Variants in LYRM4 observed in about 807,000 individuals in gnomAD.
LYRM4 encodes LYR motif containing 4.
Under a neutral mutation model 11.7 loss-of-function variants are expected in LYRM4, and 9 were observed. The observed-to-expected ratio is 0.77, with a 90% CI of 0.46 to 1.34. The LOEUF is 1.34. Among genes scored for constraint, LYRM4 ranks in the 40% most tolerant of loss-of-function variants. The pLI is 0.00. For synonymous variants in LYRM4, 42 were observed against 40.4 expected, an observed-to-expected ratio of 1.04 and a Z score of -0.15; for missense variants, 133 against 112.5, an observed-to-expected ratio of 1.18 and a Z score of -0.82.
chr6:5,226,766 G>A (rs1561884953), intron 1 of LYRM4, among the ~76,000 whole-genome samples: 1 of 152,174 alleles, frequency 6.6e-6, no homozygotes, highest in African/African-American at 2.4e-5. Context: ...AAATTAGAAG[G>A]AAATATGACA....
chr6:5,259,514 GTT>G (rs1339908843), intron 1 of LYRM4, among the ~76,000 whole-genome samples: 1 of 152,184 alleles, frequency 6.6e-6, no homozygotes, highest in Non-Finnish European at 1.5e-5. Flanking sequence ...TTCCAGGCGG[GTT>G]TCTAAAAATT....
At chr6:5,177,342 TGGA>T (rs1324774409) in intron 2 of LYRM4, among the ~76,000 whole-genome samples, 1 of 152,246 alleles carries the variant, frequency 6.6e-6, no homozygotes, top group Non-Finnish European at 1.5e-5. Context: ...AGCATGTCCT[TGGA>T]GGAGTACTGC....
At chr6:5,136,174 G>T (rs1757088607) in intron 2 of LYRM4, 2 of 590,362 alleles carry the variant, frequency 3.4e-6, no homozygotes, top group Non-Finnish European at 2.1e-6. Flanking sequence ...GGTTGCTGTT[G>T]TGAATAATAC....
At chr6:5,040,060 T>A in the LYRM4 span, among the ~76,000 whole-genome samples, 2 of 152,042 alleles carry the variant, frequency 1.3e-5, no homozygotes, top group Non-Finnish European at 2.9e-5. Flanking sequence ...AAAAAGAAAA[T>A]CTTAAAACAT....
intron 2 of LYRM4, among the ~76,000 whole-genome samples, chr6:5,195,158 G>C (rs1192590379): frequency 1.3e-5 from 2 of 152,250 alleles, no homozygotes; most frequent in Admixed American, 1.3e-4. Context: ...CAGCTCACAG[G>C]ACGGCCCTGC....
intron 2 of LYRM4, among the ~76,000 whole-genome samples, chr6:5,158,532 A>AGTG (rs1219199344): frequency 6.8e-6 from 1 of 146,908 alleles, no homozygotes; most frequent in Non-Finnish European, 1.5e-5. Flanking sequence ...GCTGGAGTGC[A>AGTG]GTGGTGCAAT....
At chr6:5,038,185 T>C in the LYRM4 span, among the ~76,000 whole-genome samples, 3 of 48,964 alleles carry the variant, frequency 6.1e-5, 1 homozygote, top group East Asian at 6.0e-3. Flanking sequence ...GGGGCAGAGG[T>C]GCTCCCCACA....
chr6:5,041,355 A>G, the LYRM4 span, among the ~76,000 whole-genome samples: 1 of 152,202 alleles, frequency 6.6e-6, no homozygotes, highest in Non-Finnish European at 1.5e-5. Flanking sequence ...GCTGTCATAA[A>G]TTACATATTC....
chr6:5,096,677 TGTGA>T, the LYRM4 span, among the ~76,000 whole-genome samples: 1 of 152,046 alleles, frequency 6.6e-6, no homozygotes, highest in African/African-American at 2.4e-5. Flanking sequence ...CTTAAAATAG[TGTGA>T]GTGAGTTTTC....
intron 2 of LYRM4, among the ~76,000 whole-genome samples, chr6:5,133,421 C>A (rs1764046357): frequency 6.6e-6 from 1 of 152,194 alleles, no homozygotes; most frequent in African/African-American, 2.4e-5. Context: ...CACGCCACCA[C>A]CACCTGTGAG....
At chr6:5,101,165 G>A (rs185607763), downstream of LYRM4, among the ~76,000 whole-genome samples, 63 of 152,260 alleles carry the variant, frequency 4.1e-4, no homozygotes, top group East Asian at 8.7e-3. Flanking sequence ...TATGGCTCAG[G>A]TAGAAGTAGT....
At chr6:5,138,981 TA>T (rs1401748696) in intron 2 of LYRM4, among the ~76,000 whole-genome samples, 15 of 152,346 alleles carry the variant, frequency 9.8e-5, no homozygotes, top group African/African-American at 3.6e-4. Flanking sequence ...CACATAAGCC[TA>T]AGAGAATTTG....
Position 5,186,726 on chromosome 6 carries a change from G to A in LYRM4, c.207+29892C>T, listed in dbSNP as rs148012142. On this transcript the variant is annotated intron_variant, in intron 2 of 2. Coordinates refer to ENST00000330636, the MANE Select transcript of LYRM4 (RefSeq NM_020408.6). Reference sequence around the variant, plus strand: ...CTGCCGGGCACAGTGGTTCACACCTGTAATCCCAGCACTTTGGGAGGCTGA... The same window carrying A: ...CTGCCGGGCACAGTGGTTCACACCTATAATCCCAGCACTTTGGGAGGCTGA... 1,888 of 1,003,662 alleles carry A rather than the reference G, an allele frequency of 1.9e-3. 30 individuals carry two copies. The African/African-American group carries it at 0.029, about 16-fold the overall frequency. 62.2% of individuals were successfully genotyped at this position (1,003,662 alleles called of 1,614,324 possible).
At chr6:5,243,936 T>C (rs1004159118) in intron 1 of LYRM4, among the ~76,000 whole-genome samples, 1 of 152,256 alleles carries the variant, frequency 6.6e-6, no homozygotes, top group Non-Finnish European at 1.5e-5. Context: ...GATGTCTCAA[T>C]ATCTGGGGTA....
At chr6:5,163,858 C>T (rs761950403) in intron 2 of LYRM4, among the ~76,000 whole-genome samples, 4 of 152,096 alleles carry the variant, frequency 2.6e-5, no homozygotes, top group African/African-American at 7.2e-5. Flanking sequence ...TGGTGATCCT[C>T]GGCCTCCCAA....
chr6:5,062,222 C>T, the LYRM4 span, among the ~76,000 whole-genome samples: 1 of 148,160 alleles, frequency 6.7e-6, no homozygotes, highest in Non-Finnish European at 1.5e-5. Context: ...GTAGCTAGGA[C>T]TACATGTGCA....
In LYRM4 at chr6:5,211,860, T is replaced by C. The variant is rs571153352; in HGVS notation, c.207+4758A>G. Among the ~76,000 whole-genome samples the C allele has an allele frequency of 1.2e-4, 19 of 152,356 alleles. No homozygotes were observed. In the South Asian group the frequency reaches 3.7e-3, roughly 30 times the overall value. Reference sequence around the variant, plus strand: ...TTCCTGAAATCATGATCTTAATTCATTTGTTCAGGGGAATCTCATTAGAAT... The same window carrying C: ...TTCCTGAAATCATGATCTTAATTCACTTGTTCAGGGGAATCTCATTAGAAT... On this transcript the variant is annotated intron_variant, in intron 2 of 2. Transcript: ENST00000330636.
At chr6:5,185,870 T>C (rs781344041) in intron 2 of LYRM4, among the ~76,000 whole-genome samples, 1 of 152,102 alleles carries the variant, frequency 6.6e-6, no homozygotes, top group East Asian at 1.9e-4. Flanking sequence ...GCCTGAGTTT[T>C]AGAGGGACAG....
At chr6:5,053,631 CA>C in the LYRM4 span, among the ~76,000 whole-genome samples, 95 of 126,268 alleles carry the variant, frequency 7.5e-4, no homozygotes, top group Admixed American at 7.4e-4. Flanking sequence ...CTGTCTCTTG[CA>C]AAAAAAAAAA....
Sources: gnomAD v4.1 joint callset for allele counts (sites outside exome capture counted in the v4.1 genomes callset) on GRCh38, gnomAD v4.1.1 for gene constraint, MANE v1.5 for transcripts, NCBI Gene and HGNC (gene_info 2026-07-23, HGNC 2026-07-21) for gene names.